Variants in CAMK1D observed in about 807,000 individuals in gnomAD.
CAMK1D encodes calcium/calmodulin-dependent protein kinase type 1D.
A neutral mutation model predicts 47.7 loss-of-function variants in CAMK1D; 9 were observed. That is an observed-to-expected ratio of 0.19 (90% CI 0.11 to 0.33). The LOEUF (loss-of-function observed/expected upper bound fraction) is 0.33, where lower values mean the gene tolerates loss of function less well. CAMK1D is among the 10% of genes least tolerant of loss of function. The pLI is 1.00. For missense variants in CAMK1D, 291 were observed against 488.7 expected, an observed-to-expected ratio of 0.60 and a Z score of 3.81; for synonymous variants, 184 against 184.9, an observed-to-expected ratio of 0.99 and a Z score of 0.04.
chr10:12,693,773 A>G (rs77338318), intron 3 of CAMK1D, among the ~76,000 whole-genome samples: 4,767 of 149,020 alleles, frequency 0.032, 153 homozygotes, highest in South Asian at 0.13. Context: ...GTGTGAGCCA[A>G]TTCCTCAAAA....
chr10:12,753,487 G>C lies in CAMK1D; in HGVS notation c.300-7461G>C, dbSNP rs1044628767. ...CTTACAAGTCCTCATTAGACTAAAAGTTTATAGAGAGATATCTAATTAATG... is the reference window on the plus strand; with the variant it reads ...CTTACAAGTCCTCATTAGACTAAAACTTTATAGAGAGATATCTAATTAATG... On this transcript the variant is annotated intron_variant, in intron 3 of 10. Coordinates refer to ENST00000619168, the MANE Select transcript of CAMK1D (RefSeq NM_153498.4). Among the ~76,000 whole-genome samples, 7 of 152,162 alleles carry C rather than the reference G, an allele frequency of 4.6e-5. No individual in the cohort carries two copies. In the South Asian group the frequency reaches 1.4e-3, roughly 32 times the overall value.
intron 1 of CAMK1D, among the ~76,000 whole-genome samples, chr10:12,489,512 G>A (rs1834316824): frequency 6.6e-6 from 1 of 152,184 alleles, no homozygotes; most frequent in Admixed American, 6.5e-5. Flanking sequence ...TCAAGCGGTA[G>A]GGAAGCAGCC....
At chr10:12,547,456 A>G (rs1239618581) in intron 1 of CAMK1D, among the ~76,000 whole-genome samples, 1 of 152,206 alleles carries the variant, frequency 6.6e-6, no homozygotes, top group African/African-American at 2.4e-5. Flanking sequence ...TTAAATGCAC[A>G]GTGCTTGTGT....
intron 3 of CAMK1D, among the ~76,000 whole-genome samples, chr10:12,738,746 C>T (rs765559502): frequency 9.9e-5 from 15 of 151,968 alleles, no homozygotes; most frequent in Admixed American, 2.0e-4. Context: ...GCAGGAGGAG[C>T]GCGTAAAGCC....
intron 6 of CAMK1D, among the ~76,000 whole-genome samples, chr10:12,804,989 G>C (rs1252802153): frequency 6.7e-6 from 1 of 149,308 alleles, no homozygotes; most frequent in Non-Finnish European, 1.5e-5. Flanking sequence ...GGCCGGGCGC[G>C]GTGGCTCACG....
chr10:12,828,630 A>G (rs1833343223), intron 10 of CAMK1D, 139 bp from the exon 11 acceptor site: 5 of 646,630 alleles, frequency 7.7e-6, no homozygotes, highest in Middle Eastern at 4.2e-4. Context: ...AAAAGAGTGA[A>G]ACTCCATCTC....
At chr10:12,376,155 T>A (rs1311080774) in intron 1 of CAMK1D, among the ~76,000 whole-genome samples, 2 of 100,638 alleles carry the variant, frequency 2.0e-5, no homozygotes, top group Admixed American at 1.3e-4. Context: ...AGAGGGAGAC[T>A]CTGTCCCAAA....
chr10:12,383,937 G>C (rs1838416688), intron 1 of CAMK1D, among the ~76,000 whole-genome samples: 1 of 152,162 alleles, frequency 6.6e-6, no homozygotes, highest in Non-Finnish European at 1.5e-5. Context: ...CAGATGAGAT[G>C]ATCCTGTAGA....
chr10:12,482,904 G>A (rs1017103273), intron 1 of CAMK1D, among the ~76,000 whole-genome samples: 1 of 152,212 alleles, frequency 6.6e-6, no homozygotes, highest in South Asian at 2.1e-4. Context: ...CGCTGCCGCT[G>A]TGGTTCAGGA....
chr10:12,620,186 CAAAAAAAAAAAAAAAAAAAA>C lies in CAMK1D; in HGVS notation c.225-46537_225-46518del, dbSNP rs56027797. On this transcript the variant is annotated intron_variant, in intron 2 of 10. Transcript: ENST00000619168. Reference sequence around the variant, plus strand: ...TGGGCGACAGAGCGAGACTCCGTCTCAAAAAAAAAAAAAAAAAAAAAAAAAAAAAAAATAAAGCTGCTATA... The same window carrying C: ...TGGGCGACAGAGCGAGACTCCGTCTCAAAAAAAAAAAATAAAGCTGCTATA... Among the ~76,000 whole-genome samples the C allele has an allele frequency of 1.0e-4, 9 of 86,588 alleles. No individual in the cohort carries two copies. The East Asian group carries it at 3.0e-3, about 29-fold the overall frequency. 56.8% of individuals were successfully genotyped at this position (86,588 alleles called of 152,430 possible).
At chr10:12,818,876 C>T (rs753635577) in intron 8 of CAMK1D, among the ~76,000 whole-genome samples, 7 of 152,124 alleles carry the variant, frequency 4.6e-5, no homozygotes, top group Non-Finnish European at 1.0e-4. Context: ...GATTGTGTAT[C>T]GTCTTGATTT....
At chr10:12,824,659 C>A in intron 9 of CAMK1D, 107 bp downstream of exon 9, 3 of 822,564 alleles carry the variant, frequency 3.6e-6, no homozygotes, top group Non-Finnish European at 4.0e-6. Context: ...AATAATTTTG[C>A]TAATTTTAAC....
chr10:12,355,531 G>A (rs559413237), intron 1 of CAMK1D, among the ~76,000 whole-genome samples: 2 of 152,158 alleles, frequency 1.3e-5, no homozygotes, highest in East Asian at 1.9e-4. Flanking sequence ...ACAAACACTC[G>A]AGGTGGTTTG....
chr10:12,357,724 G>C (rs1036079483), intron 1 of CAMK1D, among the ~76,000 whole-genome samples: 1 of 152,142 alleles, frequency 6.6e-6, no homozygotes, highest in Admixed American at 6.6e-5. Flanking sequence ...GGTCAATTCC[G>C]TGCTTATTTA....
intron 6 of CAMK1D, among the ~76,000 whole-genome samples, chr10:12,798,675 A>T (rs1157976137): frequency 6.6e-6 from 1 of 152,256 alleles, no homozygotes; most frequent in African/African-American, 2.4e-5. Flanking sequence ...TAAAGATAAA[A>T]TGTGCTGTTT....
chr10:12,664,205 T>G (rs1352397669), intron 2 of CAMK1D, among the ~76,000 whole-genome samples: 1 of 152,214 alleles, frequency 6.6e-6, no homozygotes, highest in Non-Finnish European at 1.5e-5. Flanking sequence ...ATAAGCTTTT[T>G]GATAGCAAAA....
intron 2 of CAMK1D, among the ~76,000 whole-genome samples, chr10:12,624,993 C>T (rs1017685293): frequency 9.2e-6 from 1 of 109,264 alleles, no homozygotes; most frequent in Non-Finnish European, 2.1e-5. Context: ...CCTTCCTCCT[C>T]TTTCCTCCTC....
chr10:12,807,763 C>T (rs539134618), intron 6 of CAMK1D, among the ~76,000 whole-genome samples: 191 of 152,296 alleles, frequency 1.3e-3, no homozygotes, highest in African/African-American at 4.3e-3. Flanking sequence ...CAGATCTGCC[C>T]GGTTCTGTCT....
intron 1 of CAMK1D, among the ~76,000 whole-genome samples, chr10:12,369,987 T>G (rs1837959202): frequency 6.7e-6 from 1 of 150,230 alleles, no homozygotes; most frequent in South Asian, 2.1e-4. Context: ...TATTAATATA[T>G]TAAATATTAA....
Sources: allele counts gnomAD v4.1 joint callset (sites outside exome capture counted in the v4.1 genomes callset), GRCh38; gene constraint gnomAD v4.1.1; transcripts MANE v1.5; gene names NCBI Gene and HGNC (gene_info 2026-07-23, HGNC 2026-07-21).